METTL25: variants seen among roughly 807,000 people sequenced by gnomAD.
METTL25 encodes methyltransferase like 25.
In METTL25, 64 loss-of-function variants were observed where a neutral mutation model predicts 71.6. The observed-to-expected ratio is 0.89, with a 90% CI of 0.73 to 1.10. The LOEUF (loss-of-function observed/expected upper bound fraction) is 1.10. METTL25 is among the 50% of genes least tolerant of loss of function. The pLI, the probability that METTL25 is intolerant of heterozygous loss-of-function variation, is 0.00. For missense variants in METTL25, 807 were observed against 707.0 expected, an observed-to-expected ratio of 1.14 and a Z score of -1.60; for synonymous variants, 287 against 250.3, an observed-to-expected ratio of 1.15 and a Z score of -1.38.
chr12:82,386,981 T>C lies in METTL25; in HGVS notation c.424+14T>C. 6.3e-7 allele frequency: 1 copy of C among 1,592,970 alleles called. No homozygotes were observed. The highest frequency in any genetic ancestry group is 1.1e-5 in the South Asian group (1 of 89,088). ...ACCAGAGAATTGGTATGTCTATTTA[T>C]GTGTGTGTATGTGTGCTTTTTAGGT... On this transcript the variant is annotated intron_variant, in intron 2 of 11. Transcript: ENST00000248306.
At chr12:82,401,042 A>AAACCTAT (rs1281060695) in intron 4 of METTL25, among the ~76,000 whole-genome samples, 30 of 152,110 alleles carry the variant, frequency 2.0e-4, no homozygotes, top group African/African-American at 7.2e-4. Flanking sequence ...TCTCTAAATA[A>AAACCTAT]AACCTATCTA....
chr12:82,364,422 G>A (rs545384859), intron 1 of METTL25, among the ~76,000 whole-genome samples: 2 of 152,106 alleles, frequency 1.3e-5, no homozygotes, highest in South Asian at 4.1e-4. Context: ...TTTACATGAC[G>A]TTCTTGTTTT....
intron 6 of METTL25, among the ~76,000 whole-genome samples, chr12:82,432,430 C>T (rs73153534): frequency 0.062 from 9,380 of 150,616 alleles, 341 homozygotes; most frequent in Middle Eastern, 0.12. Context: ...GTGTTATACC[C>T]TTGACAAAAA....
At chr12:82,384,625 T>A (rs10778907) in intron 1 of METTL25, among the ~76,000 whole-genome samples, 139,401 of 151,160 alleles carry the variant, frequency 0.92, 64,556 homozygotes, top group East Asian at 1. Context: ...TAAAAAAAAA[T>A]ATTGTTGTAA....
chr12:82,423,096 C>T (rs1276135513), intron 5 of METTL25, among the ~76,000 whole-genome samples: 2 of 152,070 alleles, frequency 1.3e-5, no homozygotes, highest in African/African-American at 4.8e-5. Flanking sequence ...CAATCCTAAG[C>T]CAAAAGAACA....
intron 8 of METTL25, among the ~76,000 whole-genome samples, chr12:82,442,414 G>T (rs992025974): frequency 6.6e-6 from 1 of 152,030 alleles, no homozygotes; most frequent in Non-Finnish European, 1.5e-5. Flanking sequence ...AAAGTATTGT[G>T]GATACACACA....
intron 5 of METTL25, among the ~76,000 whole-genome samples, chr12:82,408,932 A>G (rs1297753581): frequency 6.6e-6 from 1 of 151,962 alleles, no homozygotes; most frequent in Admixed American, 6.6e-5. Flanking sequence ...AATATCTTAC[A>G]CACCTTCACC....
chr12:82,367,544 T>C (rs1367168280), intron 1 of METTL25, among the ~76,000 whole-genome samples: 2 of 152,234 alleles, frequency 1.3e-5, no homozygotes, highest in African/African-American at 2.4e-5. Flanking sequence ...CATTTGCTCT[T>C]TTTCATTCCC....
At chr12:82,421,469 T>A (rs1441181442) in intron 5 of METTL25, among the ~76,000 whole-genome samples, 1 of 152,186 alleles carries the variant, frequency 6.6e-6, no homozygotes, top group African/African-American at 2.4e-5. Flanking sequence ...ATTTGTATTA[T>A]GAAGTTAGTT....
At chr12:82,451,283 A>G (rs542058939) in intron 8 of METTL25, 2 of 979,480 alleles carry the variant, frequency 2.0e-6, no homozygotes, top group African/African-American at 3.5e-5. Context: ...AAGACTCCTA[A>G]TAGTTTGGTG....
intron 5 of METTL25, among the ~76,000 whole-genome samples, chr12:82,420,399 A>G (rs1023084548): frequency 6.6e-6 from 1 of 152,166 alleles, no homozygotes; most frequent in African/African-American, 2.4e-5. Flanking sequence ...AAGGTAATGA[A>G]TAAGTTTTTG....
intron 1 of METTL25, among the ~76,000 whole-genome samples, chr12:82,371,154 A>G (rs889944934): frequency 6.6e-6 from 1 of 152,248 alleles, no homozygotes; most frequent in African/African-American, 2.4e-5. Flanking sequence ...CCTTGAGGAC[A>G]GTCATCCAGG....
At chr12:82,394,515 T>A (rs1002991877) in intron 3 of METTL25, among the ~76,000 whole-genome samples, 1 of 152,034 alleles carries the variant, frequency 6.6e-6, no homozygotes, top group African/African-American at 2.4e-5. Flanking sequence ...CTAAAACATG[T>A]TCACTCATTC....
At chr12:82,440,678 G>A (rs1276861862) in intron 8 of METTL25, among the ~76,000 whole-genome samples, 1 of 151,922 alleles carries the variant, frequency 6.6e-6, no homozygotes, top group Admixed American at 6.6e-5. Context: ...TAGTCAGGAT[G>A]GCTTATGTGA....
At position 82,370,677 on chromosome 12, in the gene METTL25, G is replaced by A. The variant is rs578027013; in HGVS notation, c.259+11853G>A. On this transcript the variant is annotated intron_variant, in intron 1 of 11. Coordinates refer to ENST00000248306, the MANE Select transcript of METTL25 (RefSeq NM_032230.3). ...TTACCCTGGTTTTTAAAGCAATGGG[G>A]TATACTGTTTTTTCTTTACTATTTC... is the stretch of plus-strand genomic sequence containing the variant. 4.2e-5 allele frequency among the ~76,000 whole-genome samples: 6 copies of A among 142,064 alleles called. No homozygotes were observed. In the South Asian group the frequency reaches 1.5e-3, roughly 35 times the overall value. 93.2% of individuals were successfully genotyped at this position (142,064 alleles called of 152,430 possible). A position where few individuals can be genotyped will look rare whatever the true frequency, so the allele number is the denominator to read the frequency against.
intron 9 of METTL25, among the ~76,000 whole-genome samples, chr12:82,472,994 G>A (rs1433645899): frequency 6.6e-6 from 1 of 152,124 alleles, no homozygotes; most frequent in African/African-American, 2.4e-5. Flanking sequence ...ATATGAATGA[G>A]TTTTGGGATA....
chr12:82,447,073 A>G (rs561887695), intron 8 of METTL25, among the ~76,000 whole-genome samples: 1 of 152,136 alleles, frequency 6.6e-6, no homozygotes, highest in South Asian at 2.1e-4. Flanking sequence ...TAGAAAAGCA[A>G]AAACCAAATC....
intron 9 of METTL25, among the ~76,000 whole-genome samples, chr12:82,475,606 C>A (rs1413222209): frequency 6.6e-6 from 1 of 152,008 alleles, no homozygotes; most frequent in African/African-American, 2.4e-5. Context: ...TTTATCCAGC[C>A]TTTCATTTGT....
At chr12:82,403,247 A>G in intron 5 of METTL25, 117 bp downstream of exon 5, 1 of 961,726 alleles carries the variant, frequency 1.0e-6, no homozygotes, top group South Asian at 1.8e-5. Flanking sequence ...TCAGCATTTA[A>G]GATAACATCT....
Sources: gnomAD v4.1 joint callset for allele counts (sites outside exome capture counted in the v4.1 genomes callset) on GRCh38, gnomAD v4.1.1 for gene constraint, MANE v1.5 for transcripts, NCBI Gene and HGNC (gene_info 2026-07-23, HGNC 2026-07-21) for gene names.